Variants in KIF1A observed in about 807,000 individuals in gnomAD.
The protein encoded by KIF1A is kinesin family member 1A, also known as kinesin-like protein KIF1A.
In KIF1A, 46 loss-of-function variants were observed where a neutral mutation model predicts 227.3. The ratio of observed to expected loss-of-function variants is 0.20; its 90% CI spans 0.16 to 0.26. The LOEUF is 0.26. Among genes scored for constraint, KIF1A ranks in the 10% least tolerant of loss-of-function variants. The pLI, the probability that KIF1A is intolerant of heterozygous loss-of-function variation, is 1.00. For synonymous variants in KIF1A, 1,022 were observed against 1,012.8 expected, an observed-to-expected ratio of 1.01 and a Z score of -0.17; for missense variants, 1,683 against 2,485.9, an observed-to-expected ratio of 0.68 and a Z score of 6.87.
Position 240,747,221 on chromosome 2 carries a change from G to A in KIF1A, c.3063+15C>T. Reference sequence around the variant, plus strand: ...AGGCACCTCCAGGTCTGGGACTCGGGAGGGAGCTTGGTACCTTTTCAAAAT... The same window carrying A: ...AGGCACCTCCAGGTCTGGGACTCGGAAGGGAGCTTGGTACCTTTTCAAAAT... On this transcript the variant is annotated intron_variant, in intron 29 of 48. Coordinates refer to ENST00000498729, the MANE Select transcript of KIF1A (RefSeq NM_001244008.2). The A allele has an allele frequency of 6.2e-7, 1 of 1,608,494 alleles. No individual in the cohort carries two copies.
In KIF1A at chr2:240,778,606, C is replaced by T. The variant is rs1451672610; in HGVS notation, c.883-2680G>A. On this transcript the variant is annotated intron_variant, in intron 10 of 48. Transcript: ENST00000498729. This position sits in a 1 kb window ranked among gnomAD's most constrained non-coding sequence, Gnocchi z 7.2. ...GCAGCTCCCGAAAACCCCTTCAGCT[C>T]GGCCCCCGTCCCCACACAGCTCCCC... Among the ~76,000 whole-genome samples, 1 of 151,470 alleles carries T rather than the reference C, an allele frequency of 6.6e-6. No individual in the cohort carries two copies. The highest frequency in any genetic ancestry group is 1.5e-5 in the Non-Finnish European group (1 of 67,896).
chr2:240,796,416 C>T (rs2056405132), intron 2 of KIF1A, among the ~76,000 whole-genome samples: 1 of 152,182 alleles, frequency 6.6e-6, no homozygotes, highest in Admixed American at 6.5e-5. Flanking sequence ...CCGGCAAGGC[C>T]AGGGCCCCGG....
chr2:240,727,981 C>T (rs1443650943), intron 38 of KIF1A, among the ~76,000 whole-genome samples: 3 of 152,222 alleles, frequency 2.0e-5, no homozygotes, highest in Admixed American at 1.3e-4. Context: ...GTTCAGCTCG[C>T]CCACCCCACC....
chr2:240,769,209 C>G lies in KIF1A; in HGVS notation c.1422-1G>C. ...ACCCATCTCGGCCAGCAGGGCTTCC[C>G]TGGGGGAACAGAGCTGAGGTCAGCA... On this transcript the variant is annotated splice_acceptor_variant, in intron 16 of 48. Transcript: ENST00000498729. LOFTEE classifies it high-confidence loss of function. 6.2e-7 allele frequency: 1 copy of G among 1,607,484 alleles called. No individual in the cohort carries two copies. The highest frequency in any genetic ancestry group is 8.5e-7 in the Non-Finnish European group (1 of 1,177,454).
chr2:240,756,799 C>T (rs2049894363), intron 27 of KIF1A, among the ~76,000 whole-genome samples: 1 of 152,228 alleles, frequency 6.6e-6, no homozygotes, highest in Non-Finnish European at 1.5e-5. Context: ...AGCCGGGAGC[C>T]TCTGTCTCTT....
chr2:240,749,411 C>A (rs1472739670), intron 28 of KIF1A, among the ~76,000 whole-genome samples: 3 of 152,202 alleles, frequency 2.0e-5, no homozygotes, highest in East Asian at 3.8e-4. Context: ...CAGGAGCCCC[C>A]CTGCAGCCAT....
Position 240,740,208 on chromosome 2 carries a change from G to A in KIF1A, c.3817-66C>T. On this transcript the variant is annotated intron_variant, in intron 36 of 48. Coordinates refer to ENST00000498729, the MANE Select transcript of KIF1A (RefSeq NM_001244008.2). The surrounding 1 kb of genome is among the most constrained non-coding windows in gnomAD (Gnocchi z 6.1). ...GGGGCTACGTAGGGTGAGGGAGGGG[G>A]ACACAGGCAGGGTAGGGGCAGGGAG... The A allele has an allele frequency of 6.4e-7, 1 of 1,560,602 alleles. No homozygotes were observed.
chr2:240,781,843 C>A, intron 10 of KIF1A: 1 of 985,414 alleles, frequency 1.0e-6, no homozygotes, highest in Non-Finnish European at 1.2e-6. Flanking sequence ...TCAGTCCACA[C>A]GCCTTCTCCC....
At chr2:240,799,579 C>A (rs1179687220) in intron 1 of KIF1A, among the ~76,000 whole-genome samples, 2 of 152,236 alleles carry the variant, frequency 1.3e-5, no homozygotes, top group Admixed American at 6.5e-5. Flanking sequence ...GAGTGGCTGC[C>A]AGCGTGGACG....
Position 240,726,751 on chromosome 2 carries a change from G to C in KIF1A, c.4122+75C>G. ...GAAGTCGTCTGGGTCATATGGGGTTGTCCAGAGCTTACAAGAACCTCAAGC... is the reference window on the plus strand; with the variant it reads ...GAAGTCGTCTGGGTCATATGGGGTTCTCCAGAGCTTACAAGAACCTCAAGC... On this transcript the variant is annotated intron_variant, in intron 39 of 48. Transcript: ENST00000498729. The surrounding 1 kb of genome is among the most constrained non-coding windows in gnomAD (Gnocchi z 5.2). 1.2e-6 allele frequency: 1 copy of C among 856,698 alleles called. No individual in the cohort carries two copies. The highest frequency in any genetic ancestry group is 1.5e-5 in the South Asian group (1 of 68,020). The allele number at this position is 856,698 out of a possible 1,614,324, so 53.1% of individuals were successfully genotyped here.
chr2:240,745,194 A>T (rs562616477), intron 32 of KIF1A, among the ~76,000 whole-genome samples: 4 of 152,044 alleles, frequency 2.6e-5, no homozygotes, highest in East Asian at 3.9e-4. Context: ...TATGCTCACT[A>T]TGAGCAGCTC....
chr2:240,745,548 G>C (rs772664982), intron 31 of KIF1A, 31 bp from the exon 32 acceptor site: 128 of 1,576,694 alleles, frequency 8.1e-5, no homozygotes, highest in Middle Eastern at 1.8e-4. Flanking sequence ...TTTGGTGTGG[G>C]GTGGGGGACT....
At chr2:240,750,379 G>A in intron 28 of KIF1A, 50 bp downstream of exon 28, 1 of 1,423,974 alleles carries the variant, frequency 7.0e-7, no homozygotes, top group Non-Finnish European at 9.9e-7. Context: ...AAAGGTCAGA[G>A]CCAGCCCCAG....
intron 9 of KIF1A, 40 bp from the exon 10 acceptor site, chr2:240,782,647 G>A: frequency 6.5e-7 from 1 of 1,549,888 alleles, no homozygotes; most frequent in Non-Finnish European, 8.7e-7. Flanking sequence ...GGCCCGGAGC[G>A]AAGCTGGCGC....
Position 240,726,927 on chromosome 2 carries a change from A to G in KIF1A, c.4021T>C (p.Phe1341Leu), listed in dbSNP as rs1559480429. 6 of 1,606,072 alleles carry G rather than the reference A, an allele frequency of 3.7e-6. No individual in the cohort carries two copies. The highest frequency in any genetic ancestry group is 1.1e-5 in the South Asian group (1 of 90,162). The stretch of plus-strand genomic sequence containing the variant: ...ATGGAGCTGTCCCACGCAGCCTCAA[A>G]TTGGTAAAAGGTCCTGAAAGGAAGC... ...PAQDDRTFYQ[F>L]EAAWDSSMHN... is the part of the protein sequence containing the mutation. The change falls in exon 39 of 49, where the codon TTT (phenylalanine) becomes CTT (leucine). Residue 1341 changes from phenylalanine to leucine, a missense_variant. Physicochemically the swap from Phe to Leu is conservative, Grantham distance 22. This residue lies in a region of KIF1A where 759 missense variants were observed against 1,020.2 expected (regional missense o/e 0.74). Transcript: ENST00000498729. This position sits in a 1 kb window ranked among gnomAD's most constrained non-coding sequence, Gnocchi z 5.2.
chr2:240,756,262 T>C (rs575295284), intron 27 of KIF1A, among the ~76,000 whole-genome samples: 65 of 152,028 alleles, frequency 4.3e-4, no homozygotes, highest in Non-Finnish European at 8.5e-4. Flanking sequence ...GCAATCTTAA[T>C]CGCCAAAAAA....
In KIF1A at chr2:240,742,953, G is replaced by A. The variant is rs772443183; in HGVS notation, c.3616C>T (p.Arg1206Trp). ...PLRPSRRHFP[R>W]VMPLSKPVPA... ...CCTGGCTTGGACAGTGGCATGACCC[G>A]AGGGAAGTGGCGGCGCGAGGGCCTC... The change falls in exon 34 of 49, where the codon CGG becomes TGG. Residue 1206 changes from arginine to tryptophan, a missense_variant. Around this residue, in one of 12 missense-constraint regions of KIF1A, gnomAD observed 759 missense variants for 1,020.2 expected, o/e 0.74. Transcript: ENST00000498729. 1.2e-5 allele frequency: 20 copies of A among 1,611,670 alleles called. No homozygotes were observed. The highest frequency in any genetic ancestry group is 4.0e-5 in the African/African-American group (3 of 74,904).
chr2:240,750,701 C>T (rs757643649), intron 27 of KIF1A, among the ~76,000 whole-genome samples, 154 bp from the exon 28 acceptor site: 54 of 152,120 alleles, frequency 3.5e-4, no homozygotes, highest in South Asian at 4.1e-4. Context: ...ACAGCAAGAG[C>T]GGGCGGGGAC....
upstream of KIF1A, among the ~76,000 whole-genome samples, chr2:240,821,256 C>T (rs1169379565): frequency 1.3e-5 from 2 of 152,246 alleles, no homozygotes; most frequent in Non-Finnish European, 2.9e-5. Context: ...GCTAAGCCTC[C>T]CTGGCGCCCA....
Sources: gnomAD v4.1 joint callset for allele counts (sites outside exome capture counted in the v4.1 genomes callset) on GRCh38, gnomAD v4.1.1 for gene constraint, gnomAD v4.1.1 regional missense constraint, Gnocchi (gnomAD v3.1) non-coding constraint, MANE v1.5 for transcripts, NCBI Gene and HGNC (gene_info 2026-07-23, HGNC 2026-07-21) for gene names.